DNAH8: variants seen among roughly 807,000 people sequenced by gnomAD.
DNAH8 encodes the protein dynein axonemal heavy chain 8, also known as axonemal beta dynein heavy chain 8.
In DNAH8, 382 loss-of-function variants were observed where a neutral mutation model predicts 562.1. The ratio of observed to expected loss-of-function variants is 0.68; its 90% confidence interval spans 0.63 to 0.74. The LOEUF (loss-of-function observed/expected upper bound fraction) is 0.74, where lower values mean the gene tolerates loss of function less well. Among genes scored for constraint, DNAH8 ranks in the 30% least tolerant of loss-of-function variants. The pLI, the probability that DNAH8 is intolerant of heterozygous loss-of-function variation, is 0.00. For missense variants in DNAH8, 5,203 were observed against 5,620.4 expected, an observed-to-expected ratio of 0.93 and a Z score of 2.37; for synonymous variants, 1,881 against 1,919.4, an observed-to-expected ratio of 0.98 and a Z score of 0.52.
At chr6:38,747,673 C>T (rs891058573) in intron 8 of DNAH8, among the ~76,000 whole-genome samples, 4 of 152,124 alleles carry the variant, frequency 2.6e-5, no homozygotes, top group Non-Finnish European at 4.4e-5. Flanking sequence ...GCGTGAGCCA[C>T]CGCGCTCAGC....
rs144677258 is a variant in DNAH8, at chr6:38,922,651, TG to T, written c.10663-406del. ...GAGTTGATACAAGCCGGCTGCTACA[TG>T]CTATTGTTGTCTGGGATTTTTCCAG... On this transcript the variant is annotated intron_variant, in intron 71 of 92. Coordinates refer to ENST00000327475, the MANE Select transcript of DNAH8 (RefSeq NM_001206927.2). Among the ~76,000 whole-genome samples the T allele has an allele frequency of 9.8e-3, 1,496 of 152,320 alleles. 22 individuals are homozygous for T. The highest frequency in any genetic ancestry group is 0.034 in the African/African-American group (1,432 of 41,570).
intron 16 of DNAH8, among the ~76,000 whole-genome samples, chr6:38,782,192 G>A (rs937934832): frequency 1.3e-5 from 2 of 152,000 alleles, no homozygotes; most frequent in Non-Finnish European, 2.9e-5. Context: ...TTTGTGGTGA[G>A]AGGGCAGAGA....
chr6:38,998,357 A>G (rs1472597058), intron 88 of DNAH8, among the ~76,000 whole-genome samples: 2 of 152,258 alleles, frequency 1.3e-5, no homozygotes, highest in East Asian at 3.8e-4. Context: ...ATGTAGATTT[A>G]TAAGGTACCA....
chr6:38,837,910 AT>A, intron 32 of DNAH8, 31 bp from the exon 33 acceptor site: 10 of 1,417,032 alleles, frequency 7.1e-6, no homozygotes, highest in Non-Finnish European at 9.9e-6. Flanking sequence ...AATTAATTGT[AT>A]TTTAGTACAA....
At chr6:38,784,881 A>G (rs1768995873) in intron 17 of DNAH8, among the ~76,000 whole-genome samples, 1 of 152,230 alleles carries the variant, frequency 6.6e-6, no homozygotes. Context: ...TAACAGTGTC[A>G]AGAATGATGC....
chr6:38,727,882 A>T (rs1763354429), intron 3 of DNAH8, among the ~76,000 whole-genome samples: 1 of 152,126 alleles, frequency 6.6e-6, no homozygotes, highest in African/African-American at 2.4e-5. Flanking sequence ...GTTGTGGTAC[A>T]TGGAAGGAGC....
chr6:38,977,658 A>G (rs1045916376), intron 85 of DNAH8, among the ~76,000 whole-genome samples: 15 of 152,084 alleles, frequency 9.9e-5, no homozygotes, highest in African/African-American at 2.7e-4. Context: ...TTTTAATTTT[A>G]AGCACATTTT....
intron 79 of DNAH8, among the ~76,000 whole-genome samples, chr6:38,940,365 G>C (rs762172487): frequency 2.2e-4 from 33 of 152,170 alleles, no homozygotes; most frequent in Non-Finnish European, 4.1e-4. Flanking sequence ...CTGGTCTGGT[G>C]GTTGGAAGAG....
chr6:38,911,520 G>T lies in DNAH8; in HGVS notation c.9793G>T (p.Gly3265Cys), dbSNP rs1060501471. 16 of 1,613,602 alleles carry T rather than the reference G, an allele frequency of 9.9e-6. No homozygotes were observed. Among genetic ancestry groups the T allele is most frequent in the Non-Finnish European group, 1.4e-5 (16 of 1,179,798 alleles). Residue 3265 changes from glycine to cysteine, a missense_variant, in exon 66 of 93, where the codon GGT becomes TGT. By Grantham distance (159) the Gly-to-Cys change is radical (BLOSUM62 -3). Transcript: ENST00000327475. ...TPKSYLSFIN[G>C]YKNIYAEKVK... ...CAAATCTTACCTCTCATTTATAAAT[G>T]GTTATAAAAACATTTATGCTGAAAA...
intron 9 of DNAH8, among the ~76,000 whole-genome samples, chr6:38,754,363 A>G (rs142453282): frequency 1.3e-5 from 2 of 152,232 alleles, no homozygotes; most frequent in East Asian, 3.9e-4. Context: ...GCATATTTTT[A>G]TTAGGATCTT....
intron 59 of DNAH8, among the ~76,000 whole-genome samples, 154 bp from the exon 60 acceptor site, chr6:38,895,879 G>T (rs1193363473): frequency 2.0e-5 from 3 of 152,116 alleles, no homozygotes; most frequent in Non-Finnish European, 4.4e-5. Flanking sequence ...TTCTTGGATG[G>T]GGTTATGCCC....
chr6:38,898,441 T>C (rs1779851176), intron 61 of DNAH8, 61 bp downstream of exon 61: 2 of 1,404,150 alleles, frequency 1.4e-6, no homozygotes, highest in South Asian at 1.6e-5. Context: ...GTATATTTCA[T>C]AGATAAATTT....
chr6:38,812,211 C>G (rs533746405), intron 24 of DNAH8, among the ~76,000 whole-genome samples: 24 of 152,228 alleles, frequency 1.6e-4, no homozygotes, highest in African/African-American at 5.8e-4. Context: ...CTTTCCAGCC[C>G]GGAACCCTGG....
chr6:38,910,841 A>G (rs949515870), intron 65 of DNAH8, among the ~76,000 whole-genome samples: 1 of 152,242 alleles, frequency 6.6e-6, no homozygotes, highest in East Asian at 1.9e-4. Flanking sequence ...AAAAGGTTAA[A>G]TAATTTTATA....
chr6:38,757,634 C>T (rs888511484), intron 10 of DNAH8, among the ~76,000 whole-genome samples: 4 of 152,162 alleles, frequency 2.6e-5, no homozygotes, highest in Admixed American at 6.5e-5. Context: ...AGGTTTTCTT[C>T]TAGGGTTTTT....
At chr6:38,958,844 A>G (rs1762436861) in intron 82 of DNAH8, among the ~76,000 whole-genome samples, 1 of 152,168 alleles carries the variant, frequency 6.6e-6, no homozygotes, top group African/African-American at 2.4e-5. Context: ...AAAGAAAGAA[A>G]ACTACATACA....
intron 82 of DNAH8, among the ~76,000 whole-genome samples, chr6:38,953,345 C>A (rs533720908): frequency 6.6e-6 from 1 of 152,258 alleles, no homozygotes; most frequent in Non-Finnish European, 1.5e-5. Context: ...ACTAGAGTTA[C>A]CATTTCAAAT....
intron 79 of DNAH8, among the ~76,000 whole-genome samples, chr6:38,941,278 T>C (rs914597747): frequency 6.6e-6 from 1 of 152,248 alleles, no homozygotes. Flanking sequence ...TGCTATACTT[T>C]TGTCCTCTGC....
chr6:38,896,377 C>T, intron 60 of DNAH8, 152 bp downstream of exon 60: 1 of 640,234 alleles, frequency 1.6e-6, no homozygotes, highest in South Asian at 2.0e-5. Flanking sequence ...AGTTTGAGAC[C>T]AGCCTGAGCA....
Sources: allele counts gnomAD v4.1 joint callset (sites outside exome capture counted in the v4.1 genomes callset), GRCh38; gene constraint gnomAD v4.1.1; transcripts MANE v1.5; gene names NCBI Gene and HGNC (gene_info 2026-07-23, HGNC 2026-07-21).